The following NSMAF variants were observed in gnomAD, a reference collection of about 807,000 sequenced individuals.
The protein encoded by NSMAF is protein FAN.
Under a neutral mutation model 134.9 loss-of-function variants are expected in NSMAF, and 90 were observed. The observed-to-expected ratio is 0.67, with a 90% CI of 0.56 to 0.79. The LOEUF (loss-of-function observed/expected upper bound fraction) is 0.79, where lower values mean the gene tolerates loss of function less well. Ranked by LOEUF, NSMAF falls within the 30% of genes least tolerant of loss-of-function variation. The pLI is 0.00. For synonymous variants in NSMAF, 358 were observed against 389.6 expected (o/e 0.92, Z 0.96); for missense variants, 1,010 against 1,119.0 (o/e 0.90, Z 1.39).
At chr8:58,596,785 G>T (rs1037828047) in intron 21 of NSMAF, among the ~76,000 whole-genome samples, 2 of 151,908 alleles carry the variant, frequency 1.3e-5, no homozygotes, top group African/African-American at 4.8e-5. Context: ...AAAATTAGCC[G>T]GGCGTGGTGG....
At chr8:58,590,181 T>C (rs1176738534) in intron 24 of NSMAF, 107 bp from the exon 25 acceptor site, 2 of 911,856 alleles carry the variant, frequency 2.2e-6, no homozygotes, top group East Asian at 2.6e-5. Context: ...AAATCGTCTT[T>C]ATGTGGCTCT....
chr8:58,614,745 G>A (rs955443064), intron 9 of NSMAF, among the ~76,000 whole-genome samples: 2 of 152,066 alleles, frequency 1.3e-5, no homozygotes, highest in Non-Finnish European at 2.9e-5. Flanking sequence ...AGATTCTCCT[G>A]TTTTAACCCA....
In NSMAF at chr8:58,602,060, GTAGTCTCTCCAGCCGTTCCTTATTT is replaced by G. The variant is rs1806296277; in HGVS notation, c.1098_1122del (p.Asn367Ter). 1 of 1,611,798 alleles carries G rather than the reference GTAGTCTCTCCAGCCGTTCCTTATTT, an allele frequency of 6.2e-7. No homozygotes were observed. The highest frequency in any genetic ancestry group is 8.5e-7 in the Non-Finnish European group (1 of 1,178,112). On this transcript the variant is annotated frameshift_variant, in exon 14 of 31. Transcript: ENST00000038176. LOFTEE classifies it high-confidence loss of function. ...CAAGAATCTCTAAGTCCACATACCA[GTAGTCTCTCCAGCCGTTCCTTATTT>G]AGGGCCCCTACTGGCTTACTGAGAT...
chr8:58,602,009 C>A, intron 14 of NSMAF, 49 bp downstream of exon 14: 1 of 1,427,242 alleles, frequency 7.0e-7, no homozygotes, highest in Non-Finnish European at 9.8e-7. Context: ...AAACACAGGC[C>A]ATGGCTTCTC....
chr8:58,603,458 C>A, intron 12 of NSMAF, 72 bp from the exon 13 acceptor site: 5 of 1,401,958 alleles, frequency 3.6e-6, no homozygotes, highest in Non-Finnish European at 4.0e-6. Flanking sequence ...AGGGGCTTAA[C>A]GTGTAGACCA....
intron 6 of NSMAF, among the ~76,000 whole-genome samples, chr8:58,629,997 C>T (rs1044655547): frequency 6.6e-6 from 1 of 152,150 alleles, no homozygotes; most frequent in Non-Finnish European, 1.5e-5. Context: ...TTGGGCAGCT[C>T]CCCTGAAAAG....
intron 11 of NSMAF, among the ~76,000 whole-genome samples, chr8:58,607,232 G>A (rs2680898): frequency 0.92 from 140,130 of 152,298 alleles, 64,551 homozygotes; most frequent in East Asian, 0.97. Context: ...GACATGTGTC[G>A]GAAATAGGAC....
intron 2 of NSMAF, among the ~76,000 whole-genome samples, chr8:58,638,139 T>C (rs1807245390): frequency 6.6e-6 from 1 of 152,172 alleles, no homozygotes; most frequent in South Asian, 2.1e-4. Context: ...AGCCTCAAAA[T>C]GGGCTCAATC....
In NSMAF at chr8:58,588,598, G is replaced by A. The variant is rs1431937756; in HGVS notation, c.2211+854C>T. 38 of 1,414,958 alleles carry A rather than the reference G, an allele frequency of 2.7e-5. No individual in the cohort carries two copies. The East Asian group carries it at 3.4e-4, about 13-fold the overall frequency. The allele number at this position is 1,414,958 out of a possible 1,614,324, so 87.7% of individuals were successfully genotyped here. On this transcript the variant is annotated intron_variant, in intron 26 of 30. Coordinates refer to ENST00000038176, the MANE Select transcript of NSMAF (RefSeq NM_003580.4). Reference sequence around the variant, plus strand: ...AAGCAAATAGGCATCAAAGATGCTCGCTTCAGAAATGTCCCTGACTGCTGC... The same window carrying A: ...AAGCAAATAGGCATCAAAGATGCTCACTTCAGAAATGTCCCTGACTGCTGC...
At chr8:58,603,962 C>A (rs1486688514) in intron 12 of NSMAF, among the ~76,000 whole-genome samples, 1 of 152,164 alleles carries the variant, frequency 6.6e-6, no homozygotes, top group Non-Finnish European at 1.5e-5. Flanking sequence ...AAGAACCAGA[C>A]CTGCCCCCTG....
intron 23 of NSMAF, among the ~76,000 whole-genome samples, chr8:58,592,485 T>C (rs986158074): frequency 6.6e-6 from 1 of 152,184 alleles, no homozygotes; most frequent in Admixed American, 6.5e-5. Flanking sequence ...GAAGAAGATA[T>C]GTAATTTTGG....
At position 58,599,244 on chromosome 8, in the gene NSMAF, C is replaced by G. The variant is rs997521389; in HGVS notation, c.1573G>C (p.Gly525Arg). ...GAATATTACATACCATTATGGGCCC[C>G]AACTGCATCACTCCCTTTTTGTTTG... ...GYKQKGSDAV[G>R]AHNVFHPLTY... Residue 525 changes from glycine to arginine, a missense_variant, in exon 19 of 31, where the codon GGG (glycine) becomes CGG (arginine). Coordinates refer to ENST00000038176, the MANE Select transcript of NSMAF (RefSeq NM_003580.4). The G allele has an allele frequency of 1.9e-6, 3 of 1,613,522 alleles. No homozygotes were observed. Among genetic ancestry groups the G allele is most frequent in the Non-Finnish European group, 2.5e-6 (3 of 1,179,598 alleles).
At chr8:58,644,353 G>A (rs914810749) in intron 1 of NSMAF, among the ~76,000 whole-genome samples, 3 of 152,294 alleles carry the variant, frequency 2.0e-5, no homozygotes, top group East Asian at 3.9e-4. Flanking sequence ...AGCAGACCGG[G>A]GGAATAAGCA....
intron 6 of NSMAF, among the ~76,000 whole-genome samples, chr8:58,629,157 C>T (rs540647822): frequency 4.6e-5 from 7 of 152,204 alleles, no homozygotes; most frequent in South Asian, 4.1e-4. Flanking sequence ...TTCTTGGACT[C>T]GCATATTATG....
Position 58,584,188 on chromosome 8 carries a change from C to T in NSMAF, c.2672G>A (p.Cys891Tyr). The change falls in exon 31 of 31, where the codon TGT (cysteine) becomes TAT (tyrosine). Residue 891 changes from cysteine (C) to tyrosine (Y), a missense_variant. Physicochemically the swap from Cys to Tyr is radical, Grantham distance 194 (BLOSUM62 -2). Coordinates refer to ENST00000038176, the MANE Select transcript of NSMAF (RefSeq NM_003580.4). The part of the protein sequence containing the change: ...RIQGHTGAVT[C>Y]IWMNEQCSSI... ...GCTACACTGTTCATTCATCCATATACATGTCACAGCACCTGAGAGAAAGAC... is the reference window on the plus strand; with the variant it reads ...GCTACACTGTTCATTCATCCATATATATGTCACAGCACCTGAGAGAAAGAC... 6.2e-7 allele frequency: 1 copy of T among 1,613,084 alleles called. No homozygotes were observed. Among genetic ancestry groups the T allele is most frequent in the Non-Finnish European group, 8.5e-7 (1 of 1,179,244 alleles).
chr8:58,602,265 ATTTTT>A, intron 13 of NSMAF, 128 bp from the exon 14 acceptor site: 1 of 613,030 alleles, frequency 1.6e-6, no homozygotes, highest in Non-Finnish European at 2.7e-6. Flanking sequence ...CATGAGAGTT[ATTTTT>A]GTTAGTTATT....
At chr8:58,586,801 C>A (rs1159753694) in intron 27 of NSMAF, among the ~76,000 whole-genome samples, 193 bp from the exon 28 acceptor site, 1 of 152,096 alleles carries the variant, frequency 6.6e-6, no homozygotes, top group African/African-American at 2.4e-5. Context: ...AAATTAAATT[C>A]TTTATAAGCT....
intron 1 of NSMAF, among the ~76,000 whole-genome samples, chr8:58,657,969 G>C (rs1248615596): frequency 6.6e-6 from 1 of 152,196 alleles, no homozygotes; most frequent in Non-Finnish European, 1.5e-5. Context: ...ACACCACGGA[G>C]CTGTATGAGC....
intron 22 of NSMAF, among the ~76,000 whole-genome samples, chr8:58,595,176 C>A (rs1024232815): frequency 6.6e-6 from 1 of 152,218 alleles, no homozygotes; most frequent in African/African-American, 2.4e-5. Context: ...TTAAAAGGTG[C>A]CTTTTCACCT....
Sources: gnomAD v4.1 joint callset for allele counts (sites outside exome capture counted in the v4.1 genomes callset) on GRCh38, gnomAD v4.1.1 for gene constraint, MANE v1.5 for transcripts, NCBI Gene and HGNC (gene_info 2026-07-23, HGNC 2026-07-21) for gene names.